Variants in PLXNA2 observed in about 807,000 individuals in gnomAD.
The protein encoded by PLXNA2 is plexin-A2.
Under a neutral mutation model 193.5 loss-of-function variants are expected in PLXNA2, and 91 were observed. That is an observed-to-expected ratio of 0.47 (90% CI 0.40 to 0.56). PLXNA2 has a LOEUF of 0.56. Among genes scored for constraint, PLXNA2 ranks in the 20% least tolerant of loss-of-function variants. The pLI, the probability that PLXNA2 is intolerant of heterozygous loss-of-function variation, is 0.00. For synonymous variants in PLXNA2, 997 were observed against 1,027.3 expected (o/e 0.97, Z 0.56); for missense variants, 1,995 against 2,503.2 (o/e 0.80, Z 4.33).
rs1670079127 is a variant in PLXNA2 at position 208,188,627 on chromosome 1, T to C, written c.1371+21653A>G. 2.0e-5 allele frequency among the ~76,000 whole-genome samples: 3 copies of C among 151,198 alleles called. No homozygotes were observed. The South Asian group carries it at 6.3e-4, about 32-fold the overall frequency. ...GGGAGGCTGAGGCAGGAGAATTGCT[T>C]GAACCTGGGAGGCGGAGGTTGCAGT... On this transcript the variant is annotated intron_variant, in intron 3 of 31. Coordinates refer to ENST00000367033, the MANE Select transcript of PLXNA2 (RefSeq NM_025179.4).
intron 3 of PLXNA2, among the ~76,000 whole-genome samples, chr1:208,196,874 G>A (rs181115026): frequency 7.2e-5 from 11 of 152,184 alleles, no homozygotes; most frequent in Admixed American, 4.6e-4. Context: ...GGAAAAGAAA[G>A]CTATCTCTTT....
chr1:208,030,205 C>T (rs1295598745), intron 29 of PLXNA2: 2 of 985,464 alleles, frequency 2.0e-6, no homozygotes, highest in African/African-American at 1.7e-5. Flanking sequence ...TCTACCCTCC[C>T]CTTCTTCTGG....
At chr1:208,033,643 A>T in intron 27 of PLXNA2, 134 bp from the exon 28 acceptor site, 1 of 638,538 alleles carries the variant, frequency 1.6e-6, no homozygotes, top group Non-Finnish European at 2.5e-6. Context: ...GACCGTTGGG[A>T]CCTCATATAT....
At chr1:208,060,868 G>A in intron 12 of PLXNA2, 31 bp from the exon 13 acceptor site, 1 of 1,610,194 alleles carries the variant, frequency 6.2e-7, no homozygotes, top group Non-Finnish European at 8.5e-7. Context: ...TAGCAATTTG[G>A]TTTGGTCACA....
intron 3 of PLXNA2, among the ~76,000 whole-genome samples, chr1:208,142,893 G>T (rs892570828): frequency 6.6e-6 from 1 of 152,174 alleles, no homozygotes; most frequent in African/African-American, 2.4e-5. Context: ...ATGAAGGAAT[G>T]GTGAACAATT....
chr1:208,031,988 A>G, intron 28 of PLXNA2: 1 of 985,228 alleles, frequency 1.0e-6, no homozygotes, highest in South Asian at 4.7e-5. Flanking sequence ...ACCTGCAGCC[A>G]CATTCCACAT....
At chr1:208,159,722 C>G (rs1048805316) in intron 3 of PLXNA2, among the ~76,000 whole-genome samples, 3 of 152,202 alleles carry the variant, frequency 2.0e-5, no homozygotes, top group African/African-American at 7.2e-5. Flanking sequence ...TCAGGAGGGC[C>G]GGATCTCTGA....
In PLXNA2 at chr1:208,044,797, G is replaced by A. The variant is rs1486402421; in HGVS notation, c.3640-55C>T. The A allele has an allele frequency of 1.5e-6, 2 of 1,373,626 alleles. No individual in the cohort carries two copies. Among genetic ancestry groups the A allele is most frequent in the Non-Finnish European group, 2.0e-6 (2 of 980,366 alleles). 85.1% of individuals were successfully genotyped at this position (1,373,626 alleles called of 1,614,324 possible). A position where few individuals can be genotyped will look rare whatever the true frequency, so the allele number is the denominator to read the frequency against. The stretch of plus-strand genomic sequence containing the variant: ...GGATGCACACAGGTGTAGAGCCCGG[G>A]CATGCCAGCAGATCCTTACAGTGCG... On this transcript the variant is annotated intron_variant, in intron 19 of 31. Transcript: ENST00000367033. The surrounding 1 kb of genome is among the most constrained non-coding windows in gnomAD (Gnocchi z 4.9).
intron 2 of PLXNA2, among the ~76,000 whole-genome samples, chr1:208,216,336 T>C (rs1671127694): frequency 6.6e-6 from 1 of 152,184 alleles, no homozygotes; most frequent in Non-Finnish European, 1.5e-5. Context: ...CCCCCTTTCC[T>C]GTTTATTTTT....
rs544552575 is a variant in PLXNA2 at position 208,157,300 on chromosome 1, G to T, written c.1372-14837C>A. Among the ~76,000 whole-genome samples the T allele has an allele frequency of 6.6e-5, 10 of 152,190 alleles. No individual in the cohort carries two copies. In the South Asian group the frequency reaches 1.9e-3, roughly 28 times the overall value. Reference sequence around the variant, plus strand: ...CTCCCTTTATGGCTTGGCTTTTCTAGTTCTAAGACAGTTATCATTCCATGT... The same window carrying T: ...CTCCCTTTATGGCTTGGCTTTTCTATTTCTAAGACAGTTATCATTCCATGT... On this transcript the variant is annotated intron_variant, in intron 3 of 31. Transcript: ENST00000367033.
At chr1:208,232,985 C>G (rs1293713199) in intron 1 of PLXNA2, among the ~76,000 whole-genome samples, 1 of 152,172 alleles carries the variant, frequency 6.6e-6, no homozygotes, top group African/African-American at 2.4e-5. Flanking sequence ...AGCTACGATA[C>G]CTTTCTGCTC....
At chr1:208,031,402 G>A in intron 29 of PLXNA2, 188 bp downstream of exon 29, 1 of 1,365,536 alleles carries the variant, frequency 7.3e-7, no homozygotes, top group East Asian at 2.6e-5. Context: ...GGCCCCACTT[G>A]GCACAGGCAG....
chr1:208,028,997 G>A lies in PLXNA2; in HGVS notation c.5271C>T (p.Phe1757=), dbSNP rs201452499. Residue 1757 remains phenylalanine (F), a synonymous_variant, in exon 30 of 32, where the codon TTC becomes TTT. Transcript: ENST00000367033. The surrounding 1 kb of genome is among the most constrained non-coding windows in gnomAD (Gnocchi z 4.2). ...FWVNVIKNPQ[F]VFDIHKGSIT... ...TGCTGCCCTTGTGGATGTCAAACACGAACTGGGGGTTCTTAATCACGTTCA... is the reference window on the plus strand; with the variant it reads ...TGCTGCCCTTGTGGATGTCAAACACAAACTGGGGGTTCTTAATCACGTTCA... 1.6e-4 allele frequency: 257 copies of A among 1,614,070 alleles called. 2 individuals are homozygous for A. The East Asian group carries it at 5.3e-3, about 34-fold the overall frequency.
chr1:208,098,848 A>T lies in PLXNA2; in HGVS notation c.1729T>A (p.Leu577Met). ...SSISVSEHSR[L>M]LSLVVSDAPD... ...ATGCCCCTGGATGAGTTACTTACCAACCGGCTGTGCTCAGATACTGAGATG... is the reference window on the plus strand; with the variant it reads ...ATGCCCCTGGATGAGTTACTTACCATCCGGCTGTGCTCAGATACTGAGATG... Residue 577 changes from leucine to methionine, a missense_variant and splice_region_variant, in exon 6 of 32, where the codon TTG (leucine) becomes ATG (methionine). Leu to Met is a conservative substitution (Grantham distance 15). This residue lies in a region of PLXNA2 where 702 missense variants were observed against 812.9 expected (regional missense o/e 0.86). Coordinates refer to ENST00000367033, the MANE Select transcript of PLXNA2 (RefSeq NM_025179.4). The T allele has an allele frequency of 6.2e-7, 1 of 1,613,496 alleles. No individual in the cohort carries two copies. The highest frequency in any genetic ancestry group is 8.5e-7 in the Non-Finnish European group (1 of 1,179,826).
intron 3 of PLXNA2, among the ~76,000 whole-genome samples, chr1:208,147,911 T>G (rs1668647401): frequency 6.6e-6 from 1 of 152,228 alleles, no homozygotes; most frequent in Non-Finnish European, 1.5e-5. Flanking sequence ...CAGAACCTAA[T>G]TTTTGGGGGC....
chr1:208,024,537 G>C lies in PLXNA2; in HGVS notation c.*2706C>G, dbSNP rs591305. The C allele has an allele frequency of 0.95, 144,653 of 152,284 alleles. 69,120 individuals carry two copies. Among genetic ancestry groups the C allele is most frequent in the East Asian group, 1 (5,170 of 5,170 alleles). The allele number at this position is 152,284 out of a possible 1,614,324, so 9.4% of individuals were successfully genotyped here. ...TCCTTTGTCAGCCCAAGTTCCCCAA[G>C]TCTCTCATGGAATCCTGAGAAATGT... On this transcript the variant is annotated 3_prime_UTR_variant, in exon 32 of 32. Transcript: ENST00000367033.
At chr1:208,030,359 G>A in intron 29 of PLXNA2, 5 of 985,676 alleles carry the variant, frequency 5.1e-6, no homozygotes, top group Non-Finnish European at 4.8e-6. Context: ...CAGAGATGCG[G>A]ATAACCCTGG....
In PLXNA2 at chr1:208,174,600, A is replaced by C. The variant is rs1374248164; in HGVS notation, c.1372-32137T>G. Reference sequence around the variant, plus strand: ...AGAGGCAGGTGAAGGCTGCTGACCTAAGCCATCAGAGTGGGAAGCCGGAGG... The same window carrying C: ...AGAGGCAGGTGAAGGCTGCTGACCTCAGCCATCAGAGTGGGAAGCCGGAGG... On this transcript the variant is annotated intron_variant, in intron 3 of 31. Transcript: ENST00000367033. Among the ~76,000 whole-genome samples the C allele has an allele frequency of 3.3e-5, 5 of 152,228 alleles. No homozygotes were observed. In the East Asian group the frequency reaches 9.7e-4, roughly 29 times the overall value.
intron 12 of PLXNA2, among the ~76,000 whole-genome samples, chr1:208,064,041 C>T (rs1360831736): frequency 6.6e-6 from 1 of 152,110 alleles, no homozygotes; most frequent in African/African-American, 2.4e-5. Context: ...CCTCCCAGAT[C>T]CTCTTTCAAG....
Sources: gnomAD v4.1 joint callset for allele counts (sites outside exome capture counted in the v4.1 genomes callset) on GRCh38, gnomAD v4.1.1 for gene constraint, gnomAD v4.1.1 regional missense constraint, Gnocchi (gnomAD v3.1) non-coding constraint, MANE v1.5 for transcripts, NCBI Gene and HGNC (gene_info 2026-07-23, HGNC 2026-07-21) for gene names.